Variants in TNS3 observed in about 807,000 individuals in gnomAD.
TNS3 encodes tensin-3.
In TNS3, 45 loss-of-function variants were observed where a neutral mutation model predicts 140.9. That is an observed-to-expected ratio of 0.32 (90% CI 0.25 to 0.41). TNS3 has a LOEUF of 0.41. TNS3 is among the 10% of genes least tolerant of loss of function. The probability of loss-of-function intolerance (pLI) is 1.00; values close to 1 mark genes in which losing one functional copy is unlikely to be tolerated. For synonymous variants in TNS3, 815 were observed against 788.4 expected, an observed-to-expected ratio of 1.03 and a Z score of -0.56; for missense variants, 1,716 against 1,906.7, an observed-to-expected ratio of 0.90 and a Z score of 1.86.
intron 4 of TNS3, among the ~76,000 whole-genome samples, chr7:47,460,100 C>T (rs1235229236): frequency 6.6e-6 from 1 of 151,574 alleles, no homozygotes; most frequent in Non-Finnish European, 1.5e-5. Context: ...GTAGTCCCAG[C>T]TACTCGGGAG....
intron 8 of TNS3, among the ~76,000 whole-genome samples, chr7:47,429,003 GGCCACCTTCACCCAGGGCCACAGAGT>G (rs1223588885): frequency 6.6e-6 from 1 of 152,158 alleles, no homozygotes; most frequent in Admixed American, 6.5e-5. Flanking sequence ...CTATTGGACA[GGCCACCTTCACCCAGGGCCACAGAGT>G]GCCACCTTCT....
In TNS3 at chr7:47,411,633, A is replaced by G. The variant is rs185908318; in HGVS notation, c.723+94T>C. The G allele has an allele frequency of 2.7e-3, 3,617 of 1,325,170 alleles. 89 individuals are homozygous for G. The African/African-American group carries it at 0.049, about 18-fold the overall frequency. The allele number at this position is 1,325,170 out of a possible 1,614,324, so 82.1% of individuals were successfully genotyped here. ...CTACAGGGTACTTTTTTTGGGGGTG[A>G]GGGTTACTGTTTTAACACAGAATCA... On this transcript the variant is annotated intron_variant, in intron 13 of 30. Transcript: ENST00000311160.
intron 3 of TNS3, among the ~76,000 whole-genome samples, chr7:47,494,146 T>G (rs143200187): frequency 5.3e-5 from 8 of 152,346 alleles, no homozygotes; most frequent in African/African-American, 1.9e-4. Context: ...GCCAGTGGCA[T>G]TCCTCTCTGC....
At chr7:47,338,307 C>T (rs1788747407) in intron 20 of TNS3, among the ~76,000 whole-genome samples, 1 of 152,184 alleles carries the variant, frequency 6.6e-6, no homozygotes. Context: ...TTTAACAATC[C>T]CTCCAGCAAC....
chr7:47,340,113 A>ATT (rs1286394187), intron 20 of TNS3, among the ~76,000 whole-genome samples: 616 of 42,000 alleles, frequency 0.015, 20 homozygotes, highest in Non-Finnish European at 0.021. Context: ...ATATATATAT[A>ATT]TATTTTTTTT....
intron 1 of TNS3, among the ~76,000 whole-genome samples, chr7:47,567,962 C>T (rs940138470): frequency 3.9e-5 from 6 of 152,060 alleles, no homozygotes; most frequent in East Asian, 1.9e-4. Flanking sequence ...ACAAGAGGCT[C>T]GGGCATCCGG....
At chr7:47,545,139 G>T (rs1248761320) in intron 1 of TNS3, among the ~76,000 whole-genome samples, 1 of 115,222 alleles carries the variant, frequency 8.7e-6, no homozygotes, top group Non-Finnish European at 1.7e-5. Flanking sequence ...GCGTAAGAGG[G>T]CATTTTTTTT....
At chr7:47,448,971 A>T (rs73328514) in intron 4 of TNS3, among the ~76,000 whole-genome samples, 22,345 of 152,246 alleles carry the variant, frequency 0.15, 2,017 homozygotes, top group African/African-American at 0.25. Context: ...GGAGCGGGAC[A>T]ATGATGTCTC....
At chr7:47,444,615 C>A (rs1263274998) in intron 4 of TNS3, among the ~76,000 whole-genome samples, 2 of 152,082 alleles carry the variant, frequency 1.3e-5, no homozygotes, top group Non-Finnish European at 2.9e-5. Flanking sequence ...ACTCTGCTGT[C>A]CCTGACGGAA....
At chr7:47,411,156 G>A (rs1482424210) in intron 13 of TNS3, among the ~76,000 whole-genome samples, 3 of 152,198 alleles carry the variant, frequency 2.0e-5, no homozygotes, top group Middle Eastern at 6.8e-3. Flanking sequence ...GGCCGAGTTA[G>A]GACATTAATT....
intron 1 of TNS3, among the ~76,000 whole-genome samples, chr7:47,544,981 G>A (rs1256510954): frequency 6.6e-6 from 1 of 151,940 alleles, no homozygotes; most frequent in Admixed American, 6.6e-5. Context: ...GATCCACGAT[G>A]TTAGGACTTA....
intron 1 of TNS3, among the ~76,000 whole-genome samples, chr7:47,548,952 G>T (rs920825540): frequency 1.3e-5 from 2 of 152,084 alleles, no homozygotes; most frequent in African/African-American, 4.8e-5. Flanking sequence ...CAACCTTGGG[G>T]CTCCTTCTCT....
chr7:47,401,169 C>G (rs1444032038), intron 13 of TNS3, among the ~76,000 whole-genome samples: 2 of 152,208 alleles, frequency 1.3e-5, no homozygotes, highest in Non-Finnish European at 2.9e-5. Context: ...CTGTGCTGCT[C>G]CTGTGGAACC....
At chr7:47,441,844 A>G (rs901662549) in intron 5 of TNS3, among the ~76,000 whole-genome samples, 159 bp downstream of exon 5, 1 of 152,192 alleles carries the variant, frequency 6.6e-6, no homozygotes, top group African/African-American at 2.4e-5. Flanking sequence ...AGAAACGGAC[A>G]GAAAACCTGG....
rs561995135 is a variant in TNS3 at position 47,383,445 on chromosome 7, G to C, written c.1024+13355C>G. 2.6e-5 allele frequency among the ~76,000 whole-genome samples: 4 copies of C among 152,330 alleles called. No individual in the cohort carries two copies. The South Asian group carries it at 8.3e-4, about 32-fold the overall frequency. ...ACAGGGCTTCTTTTGGGGTGATGAAGATGTTCTGGAATTAGATAATGGCGA... is the reference window on the plus strand; with the variant it reads ...ACAGGGCTTCTTTTGGGGTGATGAACATGTTCTGGAATTAGATAATGGCGA... On this transcript the variant is annotated intron_variant, in intron 16 of 30. Transcript: ENST00000311160.
At chr7:47,539,842 T>TTGTTGATG (rs1799734440) in intron 1 of TNS3, among the ~76,000 whole-genome samples, 1 of 152,174 alleles carries the variant, frequency 6.6e-6, no homozygotes, top group African/African-American at 2.4e-5. Flanking sequence ...ACATTCTCCT[T>TTGTTGATG]TGCTGTATTT....
chr7:47,510,092 G>A (rs978792207), intron 2 of TNS3, among the ~76,000 whole-genome samples: 2 of 152,176 alleles, frequency 1.3e-5, no homozygotes, highest in African/African-American at 2.4e-5. Flanking sequence ...ATGTGAGACT[G>A]GGGTTTGTGG....
In TNS3 at chr7:47,396,919, G is replaced by GGCA. The variant is rs1291459373; in HGVS notation, c.920-18_920-16dup. ...GTGTTCGGACCCTGCACAGAGCACA[G>GGCA]GCAGCAACATTAGTCCCAGTGAAAC... On this transcript the variant is annotated splice_polypyrimidine_tract_variant and intron_variant, in intron 15 of 30. Transcript: ENST00000311160. The GGCA allele has an allele frequency of 6.1e-5, 97 of 1,598,250 alleles. No individual in the cohort carries two copies. The highest frequency in any genetic ancestry group is 7.7e-5 in the Non-Finnish European group (90 of 1,165,590).
Position 47,417,913 on chromosome 7 carries a change from C to T in TNS3, c.474-2707G>A, listed in dbSNP as rs183108940. On this transcript the variant is annotated intron_variant, in intron 10 of 30. Coordinates refer to ENST00000311160, the MANE Select transcript of TNS3 (RefSeq NM_022748.12). Reference sequence around the variant, plus strand: ...TATGAGATTGCAGACAGATAGCCAACGTAGGTAATAGCACTGAGTTTGTGA... The same window carrying T: ...TATGAGATTGCAGACAGATAGCCAATGTAGGTAATAGCACTGAGTTTGTGA... Among the ~76,000 whole-genome samples the T allele has an allele frequency of 5.9e-5, 9 of 152,300 alleles. No homozygotes were observed. In the East Asian group the frequency reaches 1.2e-3, roughly 20 times the overall value.
Sources: allele counts gnomAD v4.1 joint callset (sites outside exome capture counted in the v4.1 genomes callset), GRCh38; gene constraint gnomAD v4.1.1; transcripts MANE v1.5; gene names NCBI Gene and HGNC (gene_info 2026-07-23, HGNC 2026-07-21).